PICALM: variants seen among roughly 807,000 people sequenced by gnomAD.
The protein encoded by PICALM is phosphatidylinositol-binding clathrin assembly protein.
A neutral mutation model predicts 80.5 loss-of-function variants in PICALM; 40 were observed. The ratio of observed to expected loss-of-function variants is 0.50; its 90% CI spans 0.39 to 0.65. The LOEUF is 0.65. PICALM is among the 30% of genes least tolerant of loss of function. The pLI is 0.00. For synonymous variants in PICALM, 288 were observed against 260.3 expected, an observed-to-expected ratio of 1.11 and a Z score of -1.02; for missense variants, 676 against 778.9, an observed-to-expected ratio of 0.87 and a Z score of 1.57.
At chr11:85,960,375 G>GA (rs1029328802) in intron 19 of PICALM, among the ~76,000 whole-genome samples, 5 of 152,116 alleles carry the variant, frequency 3.3e-5, no homozygotes, top group African/African-American at 1.2e-4. Context: ...CCTTCTAATC[G>GA]AAAGGGCTTA....
At chr11:85,978,625 T>C (rs1185324865) in intron 17 of PICALM, 1 of 152,076 alleles carries the variant, frequency 6.6e-6, no homozygotes, top group African/African-American at 2.4e-5. Flanking sequence ...GCCCCAAACA[T>C]TAGCCATTAA....
intron 19 of PICALM, among the ~76,000 whole-genome samples, chr11:85,960,093 CT>C (rs1432989064): frequency 6.6e-6 from 1 of 152,022 alleles, no homozygotes; most frequent in African/African-American, 2.4e-5. Context: ...TATACTAAGT[CT>C]TTTTATTAAC....
intron 7 of PICALM, among the ~76,000 whole-genome samples, chr11:86,008,063 T>C (rs2095314947): frequency 6.6e-6 from 1 of 152,168 alleles, no homozygotes; most frequent in Non-Finnish European, 1.5e-5. Flanking sequence ...TAAAAACTCA[T>C]GCTCTGTCAG....
intron 1 of PICALM, among the ~76,000 whole-genome samples, chr11:86,034,767 A>G (rs2095812941): frequency 6.6e-6 from 1 of 152,252 alleles, no homozygotes; most frequent in Non-Finnish European, 1.5e-5. Context: ...AGGCCTAAAA[A>G]TAAGCCTACC....
At chr11:85,987,482 A>C (rs543306030) in intron 13 of PICALM, among the ~76,000 whole-genome samples, 1 of 152,246 alleles carries the variant, frequency 6.6e-6, no homozygotes, top group Non-Finnish European at 1.5e-5. Context: ...CATTGCTAAT[A>C]TTAGACCAAA....
intron 1 of PICALM, among the ~76,000 whole-genome samples, chr11:86,054,340 G>A (rs1017568796): frequency 1.3e-5 from 2 of 152,264 alleles, no homozygotes; most frequent in South Asian, 4.2e-4. Context: ...TCTAAAGCTA[G>A]GGAAGCAGCT....
intron 19 of PICALM, among the ~76,000 whole-genome samples, chr11:85,966,119 C>T (rs1391615806): frequency 5.3e-5 from 8 of 152,044 alleles, no homozygotes; most frequent in Admixed American, 6.6e-5. Flanking sequence ...GCACCCGGCC[C>T]GCATTACGCA....
At chr11:86,050,204 C>CA (rs766728047) in intron 1 of PICALM, among the ~76,000 whole-genome samples, 24,857 of 81,460 alleles carry the variant, frequency 0.31, 3,497 homozygotes, top group South Asian at 0.36. Flanking sequence ...GACTCTGTCT[C>CA]AAAAAAAAAA....
chr11:86,044,385 A>G (rs181417064), intron 1 of PICALM, among the ~76,000 whole-genome samples: 100 of 152,334 alleles, frequency 6.6e-4, no homozygotes, highest in South Asian at 1.7e-3. Context: ...CATTCATTCT[A>G]TATCTCACAT....
chr11:86,031,801 T>C (rs990960112), intron 1 of PICALM, among the ~76,000 whole-genome samples, 190 bp from the exon 2 acceptor site: 1 of 152,092 alleles, frequency 6.6e-6, no homozygotes, highest in African/African-American at 2.4e-5. Flanking sequence ...AGGGTACCAA[T>C]TAGAATCACA....
At position 85,981,206 on chromosome 11, in the gene PICALM, C is replaced by T. The variant is rs369070232; in HGVS notation, c.1702G>A (p.Gly568Ser). 8.9e-5 allele frequency: 141 copies of T among 1,592,942 alleles called. No homozygotes were observed. The highest frequency in any genetic ancestry group is 3.3e-4 in the Middle Eastern group (2 of 6,044). Residue 568 changes from glycine to serine, a missense_variant, in exon 17 of 20, where the codon GGT (glycine) becomes AGT (serine). This residue lies in a region of PICALM where 391 missense variants were observed against 383.6 expected (regional missense o/e 1.02). Transcript: ENST00000393346. Reference protein sequence around the residue: ...TKNDVNWSQPGEKKLTGGSNW... With the variant: ...TKNDVNWSQPSEKKLTGGSNW... ...GATCCCCCAGTTAACTTCTTTTCAC[C>T]TGGTTGACTCCAATTTACATCACTT...
chr11:86,038,079 G>C (rs753281219), intron 1 of PICALM, among the ~76,000 whole-genome samples: 2 of 152,366 alleles, frequency 1.3e-5, no homozygotes, highest in Non-Finnish European at 2.9e-5. Context: ...CAACACTATG[G>C]AAAGTTGAGG....
At position 86,045,519 on chromosome 11, in the gene PICALM, CAAAAAAAAAAAAA is replaced by C. The variant is rs71040207; in HGVS notation, c.131-13921_131-13909del. Among the ~76,000 whole-genome samples, 470 of 47,812 alleles carry C rather than the reference CAAAAAAAAAAAAA, an allele frequency of 9.8e-3. 13 individuals carry two copies. Among genetic ancestry groups the C allele is most frequent in the African/African-American group, 0.025 (442 of 17,596 alleles). The allele number at this position is 47,812 out of a possible 152,430, so 31.4% of individuals were successfully genotyped here. Reference sequence around the variant, plus strand: ...CATAGTGAGACCCTGTCTTGAAATTCAAAAAAAAAAAAAAAAAAAAAAAAAAGACTCCATATAA... The same window carrying C: ...CATAGTGAGACCCTGTCTTGAAATTCAAAAAAAAAAAAAGACTCCATATAA... On this transcript the variant is annotated intron_variant, in intron 1 of 19. Transcript: ENST00000393346.
In PICALM at chr11:85,957,252, A is replaced by T. The variant is rs1359698167; in HGVS notation, c.*1794T>A. On this transcript the variant is annotated 3_prime_UTR_variant, in exon 20 of 20. Transcript: ENST00000393346. Reference sequence around the variant, plus strand: ...TTGGCTACGACTACATTTTTTCTCCAATCACAGCAAATATTATGAGACACT... The same window carrying T: ...TTGGCTACGACTACATTTTTTCTCCTATCACAGCAAATATTATGAGACACT... Among the ~76,000 whole-genome samples, 1 of 152,198 alleles carries T rather than the reference A, an allele frequency of 6.6e-6. No individual in the cohort carries two copies. Among genetic ancestry groups the T allele is most frequent in the South Asian group, 2.1e-4 (1 of 4,824 alleles).
At chr11:86,069,276 G>A (rs1041668689), upstream of PICALM, 35 of 172,306 alleles carry the variant, frequency 2.0e-4, no homozygotes, top group African/African-American at 6.9e-4. Flanking sequence ...GGCGCAACAG[G>A]AGGCCCGCCC....
chr11:86,006,909 A>G (rs1411031958), intron 8 of PICALM, among the ~76,000 whole-genome samples: 1 of 152,128 alleles, frequency 6.6e-6, no homozygotes, highest in Non-Finnish European at 1.5e-5. Flanking sequence ...TTAATGCTCT[A>G]ATTTTTTTTT....
chr11:85,958,550 T>A lies in PICALM; in HGVS notation c.*496A>T, dbSNP rs534099265. On this transcript the variant is annotated 3_prime_UTR_variant, in exon 20 of 20. Transcript: ENST00000393346. The stretch of plus-strand genomic sequence containing the variant: ...ACTGCAAACTGAATATAATTTTTTT[T>A]AAAAAAAGAAAAGTTAATTTCAGTT... 3.5e-4 allele frequency: 75 copies of A among 212,042 alleles called. 1 individual carries two copies. In the Middle Eastern group the frequency reaches 4.5e-3, roughly 13 times the overall value. 13.1% of individuals were successfully genotyped at this position (212,042 alleles called of 1,614,324 possible). A position where few individuals can be genotyped will look rare whatever the true frequency, so the allele number is the denominator to read the frequency against.
intron 18 of PICALM, among the ~76,000 whole-genome samples, chr11:85,975,249 A>G (rs1390103830): frequency 6.6e-6 from 1 of 152,200 alleles, no homozygotes; most frequent in Non-Finnish European, 1.5e-5. Context: ...AAGTGAAGAC[A>G]GTTGATTCTC....
intron 7 of PICALM, among the ~76,000 whole-genome samples, chr11:86,008,776 C>T (rs1370274582): frequency 6.6e-6 from 1 of 151,990 alleles, no homozygotes; most frequent in Non-Finnish European, 1.5e-5. Context: ...CAAACACAGT[C>T]TCAAAACAGA....
Sources: allele counts gnomAD v4.1 joint callset (sites outside exome capture counted in the v4.1 genomes callset), GRCh38; gene constraint gnomAD v4.1.1; regional missense constraint gnomAD v4.1.1; transcripts MANE v1.5; gene names NCBI Gene and HGNC (gene_info 2026-07-23, HGNC 2026-07-21).